Variants in SLIT1 observed in about 807,000 individuals in gnomAD.
SLIT1 encodes slit guidance ligand 1.
Under a neutral mutation model 186.1 loss-of-function variants are expected in SLIT1, and 66 were observed. That is an observed-to-expected ratio of 0.35 (90% CI 0.29 to 0.44). The LOEUF is 0.44. Ranked by LOEUF, SLIT1 falls within the 20% of genes least tolerant of loss-of-function variation. The probability of loss-of-function intolerance (pLI) is 1.00; values close to 1 mark genes in which losing one functional copy is unlikely to be tolerated. For missense variants in SLIT1, 1,638 were observed against 2,037.4 expected (o/e 0.80, Z 3.77); for synonymous variants, 761 against 833.8 (o/e 0.91, Z 1.50).
intron 4 of SLIT1, among the ~76,000 whole-genome samples, chr10:97,081,710 C>A (rs961697048): frequency 1.3e-5 from 2 of 152,158 alleles, no homozygotes; most frequent in Non-Finnish European, 2.9e-5. Context: ...AACACAGAGC[C>A]CTGACTGTTA....
chr10:97,090,912 T>C (rs1849224079), intron 4 of SLIT1, among the ~76,000 whole-genome samples: 1 of 152,246 alleles, frequency 6.6e-6, no homozygotes, highest in Non-Finnish European at 1.5e-5. Context: ...AGCAAGCCCC[T>C]GGGGCAGCCC....
chr10:97,002,830 C>A lies in SLIT1; in HGVS notation c.4028G>T (p.Arg1343Leu). The change falls in exon 35 of 37, where the codon CGC becomes CTC. Residue 1343 changes from arginine to leucine, a missense_variant. Physicochemically the swap from Arg to Leu is moderately radical, Grantham distance 102 (BLOSUM62 -2). This residue lies in a region of SLIT1 where 173 missense variants were observed against 290.9 expected (regional missense o/e 0.59). Coordinates refer to ENST00000266058, the MANE Select transcript of SLIT1 (RefSeq NM_003061.3). ...GATGCCATGCAGGCAGTAGAGCTTG[C>A]GGCAGGGTTCGCAGCCTGGCACCAC... Reference protein sequence around the residue: ...PGVVPGCEPCRKLYCLHGICQ... With the variant: ...PGVVPGCEPCLKLYCLHGICQ... 2 of 1,614,118 alleles carry A rather than the reference C, an allele frequency of 1.2e-6. No homozygotes were observed. Among genetic ancestry groups the A allele is most frequent in the Non-Finnish European group, 1.7e-6 (2 of 1,180,004 alleles).
chr10:97,023,138 G>T (rs1469348327), intron 25 of SLIT1, among the ~76,000 whole-genome samples: 2 of 151,474 alleles, frequency 1.3e-5, no homozygotes, highest in Non-Finnish European at 2.9e-5. Flanking sequence ...CGCAACCTCT[G>T]CTTCCCAGGT....
intron 3 of SLIT1, among the ~76,000 whole-genome samples, chr10:97,160,125 C>G (rs1363352393): frequency 1.3e-5 from 2 of 152,174 alleles, no homozygotes; most frequent in Non-Finnish European, 2.9e-5. Flanking sequence ...CTCCACTCCT[C>G]TCCACCTGCA....
At chr10:97,023,719 G>A (rs1848520793) in intron 25 of SLIT1, among the ~76,000 whole-genome samples, 1 of 152,226 alleles carries the variant, frequency 6.6e-6, no homozygotes, top group Admixed American at 6.5e-5. Flanking sequence ...GAGGCAGGCA[G>A]ATCACCTCAG....
intron 28 of SLIT1, 145 bp from the exon 29 acceptor site, chr10:97,014,303 T>C: frequency 2.6e-6 from 2 of 776,088 alleles, no homozygotes; most frequent in Non-Finnish European, 4.2e-6. Context: ...GGGTTAGAGG[T>C]GACCAAGACT....
At chr10:97,042,790 AG>A in intron 20 of SLIT1, 110 bp downstream of exon 20, 1 of 1,195,846 alleles carries the variant, frequency 8.4e-7, no homozygotes, top group Admixed American at 2.1e-5. Flanking sequence ...CTCTCCTCTC[AG>A]GGGCATGCCA....
chr10:97,137,327 G>T (rs1238848165), intron 4 of SLIT1, among the ~76,000 whole-genome samples: 1 of 152,094 alleles, frequency 6.6e-6, no homozygotes, highest in Non-Finnish European at 1.5e-5. Context: ...GCCACATTTG[G>T]TTGCCTGATT....
At chr10:97,094,178 G>A (rs1849262404) in intron 4 of SLIT1, among the ~76,000 whole-genome samples, 1 of 152,230 alleles carries the variant, frequency 6.6e-6, no homozygotes, top group Non-Finnish European at 1.5e-5. Context: ...GTTGACCTGT[G>A]GGAAGAATTC....
intron 4 of SLIT1, among the ~76,000 whole-genome samples, chr10:97,076,675 C>T (rs1412681232): frequency 1.3e-5 from 2 of 152,218 alleles, no homozygotes; most frequent in Non-Finnish European, 2.9e-5. Context: ...TGATAAGAAC[C>T]TGCATTGTGC....
At chr10:97,086,057 AACACTAAGCAT>A (rs1442730317) in intron 4 of SLIT1, among the ~76,000 whole-genome samples, 1 of 152,242 alleles carries the variant, frequency 6.6e-6, no homozygotes, top group Non-Finnish European at 1.5e-5. Flanking sequence ...AGTTCCTCAC[AACACTAAGCAT>A]ACTCTCACCA....
At chr10:97,152,551 T>C (rs964250548) in intron 4 of SLIT1, among the ~76,000 whole-genome samples, 5 of 152,208 alleles carry the variant, frequency 3.3e-5, no homozygotes, top group African/African-American at 1.2e-4. Context: ...CAGCCAGCCC[T>C]TACTATCTGT....
At chr10:97,148,141 C>T (rs1429581031) in intron 4 of SLIT1, among the ~76,000 whole-genome samples, 1 of 152,184 alleles carries the variant, frequency 6.6e-6, no homozygotes, top group Non-Finnish European at 1.5e-5. Context: ...CCTCAATTCT[C>T]CTGCCTATAA....
At chr10:97,003,640 C>CA (rs1848332272) in intron 34 of SLIT1, among the ~76,000 whole-genome samples, 1 of 152,198 alleles carries the variant, frequency 6.6e-6, no homozygotes, top group African/African-American at 2.4e-5. Context: ...ATCTAGCCTG[C>CA]AAAGCCTCTA....
intron 1 of SLIT1, among the ~76,000 whole-genome samples, chr10:97,170,719 C>G (rs1004352717): frequency 6.6e-6 from 1 of 152,204 alleles, no homozygotes; most frequent in Non-Finnish European, 1.5e-5. Flanking sequence ...AGGAAAACCT[C>G]GGTGGCAAAA....
intron 4 of SLIT1, among the ~76,000 whole-genome samples, chr10:97,089,771 C>G (rs1280120878): frequency 6.6e-6 from 1 of 152,090 alleles, no homozygotes; most frequent in Non-Finnish European, 1.5e-5. Context: ...GGGAGGATGG[C>G]TCATGTTCTG....
At chr10:97,147,381 T>C (rs1335102972) in intron 4 of SLIT1, among the ~76,000 whole-genome samples, 3 of 152,222 alleles carry the variant, frequency 2.0e-5, no homozygotes, top group African/African-American at 7.2e-5. Context: ...ATGTATTTAA[T>C]GCCACTAAAT....
At chr10:97,079,053 G>A (rs1424981981) in intron 4 of SLIT1, among the ~76,000 whole-genome samples, 1 of 152,196 alleles carries the variant, frequency 6.6e-6, no homozygotes, top group East Asian at 1.9e-4. Context: ...AGAAAACCCT[G>A]GGCTTGACTC....
chr10:97,066,390 A>T (rs1012551713), intron 4 of SLIT1, among the ~76,000 whole-genome samples: 1 of 152,138 alleles, frequency 6.6e-6, no homozygotes, highest in Non-Finnish European at 1.5e-5. Flanking sequence ...AGCTACGATC[A>T]GCCCTGCCAG....
Sources: allele counts gnomAD v4.1 joint callset (sites outside exome capture counted in the v4.1 genomes callset), GRCh38; gene constraint gnomAD v4.1.1; regional missense constraint gnomAD v4.1.1; transcripts MANE v1.5; gene names NCBI Gene and HGNC (gene_info 2026-07-23, HGNC 2026-07-21).